Variants in SCN3A observed in about 807,000 individuals in gnomAD.
The protein encoded by SCN3A is sodium channel protein type 3 subunit alpha.
A neutral mutation model predicts 187.6 loss-of-function variants in SCN3A; 60 were observed. The ratio of observed to expected loss-of-function variants is 0.32; its 90% CI spans 0.26 to 0.40. The LOEUF (loss-of-function observed/expected upper bound fraction) is 0.40. Among genes scored for constraint, SCN3A ranks in the 10% least tolerant of loss-of-function variants. SCN3A has a pLI of 1.00. For synonymous variants in SCN3A, 788 were observed against 829.2 expected, an observed-to-expected ratio of 0.95 and a Z score of 0.85; for missense variants, 1,601 against 2,428.2, an observed-to-expected ratio of 0.66 and a Z score of 7.16.
chr2:165,138,808 T>C (rs757135957), intron 14 of SCN3A, among the ~76,000 whole-genome samples: 10 of 152,186 alleles, frequency 6.6e-5, no homozygotes, highest in Non-Finnish European at 1.2e-4. Context: ...AAAGAACATA[T>C]GTTAGAATTG....
rs1684996177 is a variant in SCN3A at position 165,089,955 on chromosome 2, G to T, written c.*195C>A. 1.4e-6 allele frequency: 1 copy of T among 701,800 alleles called. No homozygotes were observed. The highest frequency in any genetic ancestry group is 2.3e-6 in the Non-Finnish European group (1 of 434,712). 43.5% of individuals were successfully genotyped at this position (701,800 alleles called of 1,614,324 possible). On this transcript the variant is annotated 3_prime_UTR_variant, in exon 28 of 28. Coordinates refer to ENST00000283254, the MANE Select transcript of SCN3A (RefSeq NM_006922.4). ...CTGGTAATAAAAACAGCAACCTCTT[G>T]TCAATGTTGATACCCTGCTTCACAG...
intron 9 of SCN3A, among the ~76,000 whole-genome samples, chr2:165,158,135 A>G (rs1401817819): frequency 2.0e-5 from 3 of 152,188 alleles, no homozygotes; most frequent in African/African-American, 7.2e-5. Flanking sequence ...CTGACAGAAC[A>G]AGGAGATACA....
intron 21 of SCN3A, among the ~76,000 whole-genome samples, chr2:165,107,077 G>A (rs1685897350): frequency 6.6e-6 from 1 of 152,174 alleles, no homozygotes; most frequent in African/African-American, 2.4e-5. Flanking sequence ...AGGGAATTTG[G>A]AAGAAATGCA....
intron 2 of SCN3A, among the ~76,000 whole-genome samples, chr2:165,180,747 C>T (rs998926107): frequency 2.0e-5 from 3 of 151,944 alleles, no homozygotes; most frequent in Admixed American, 6.6e-5. Context: ...GTACTACACA[C>T]GAAAGTATGC....
At chr2:165,144,257 G>A (rs62174903) in intron 12 of SCN3A, among the ~76,000 whole-genome samples, 3 of 152,030 alleles carry the variant, frequency 2.0e-5, no homozygotes, top group African/African-American at 7.2e-5. Flanking sequence ...TGTTAGTTTT[G>A]TTAATGCTCT....
intron 27 of SCN3A, 22 bp from the exon 28 acceptor site, chr2:165,091,367 G>A (rs1229412158): frequency 6.2e-7 from 1 of 1,613,346 alleles, no homozygotes; most frequent in Admixed American, 1.7e-5. Context: ...ATAGAACACA[G>A]CTAAACAGAT....
rs984040314 is a variant in SCN3A at position 165,189,012 on chromosome 2, A to G, written c.-247-2265T>C. Reference sequence around the variant, plus strand: ...GATGAACTAAAGGAATGAGTAAAGAATATGATCTGAGTGCTTTTGGCAATC... The same window carrying G: ...GATGAACTAAAGGAATGAGTAAAGAGTATGATCTGAGTGCTTTTGGCAATC... On this transcript the variant is annotated intron_variant, in intron 1 of 27. Coordinates refer to ENST00000283254, the MANE Select transcript of SCN3A (RefSeq NM_006922.4). Among the ~76,000 whole-genome samples the G allele has an allele frequency of 2.0e-5, 3 of 152,218 alleles. No individual in the cohort carries two copies. The Middle Eastern group carries it at 0.01, about 518-fold the overall frequency.
intron 19 of SCN3A, 117 bp downstream of exon 19, chr2:165,115,338 G>T: frequency 7.3e-7 from 1 of 1,370,908 alleles, no homozygotes; most frequent in Admixed American, 1.9e-5. Flanking sequence ...AAATTTTGGG[G>T]TTACAGGCAT....
chr2:165,149,228 T>C (rs1325783853), intron 11 of SCN3A, among the ~76,000 whole-genome samples: 1 of 151,214 alleles, frequency 6.6e-6, no homozygotes, highest in Admixed American at 6.6e-5. Context: ...CAGGCTGGAG[T>C]GCAATGGCAT....
intron 11 of SCN3A, among the ~76,000 whole-genome samples, chr2:165,148,020 T>A (rs558226449): frequency 1.6e-4 from 25 of 152,250 alleles, no homozygotes; most frequent in African/African-American, 6.0e-4. Flanking sequence ...ACATATGTCA[T>A]CACTAAATAC....
rs756455420 is a variant in SCN3A, at chr2:165,158,761, TA to T, written c.1032-2859del. Among the ~76,000 whole-genome samples the T allele has an allele frequency of 5.9e-4, 81 of 138,040 alleles. 11 individuals carry two copies. The highest frequency in any genetic ancestry group is 3.3e-3 in the Middle Eastern group (1 of 306). The allele number at this position is 138,040 out of a possible 152,430, so 90.6% of individuals were successfully genotyped here. ...AGCTCATTTCTTTTTAATCACTCAG[TA>T]ATATTTTATTGTATGGGCATAACAA... On this transcript the variant is annotated intron_variant, in intron 9 of 27. Transcript: ENST00000283254.
intron 11 of SCN3A, among the ~76,000 whole-genome samples, chr2:165,150,051 C>T (rs1379076282): frequency 2.0e-5 from 3 of 152,100 alleles, no homozygotes; most frequent in Non-Finnish European, 4.4e-5. Context: ...AGCTTACTCC[C>T]AAATTTTTTC....
At chr2:165,141,287 T>C (rs1688000503) in intron 12 of SCN3A, among the ~76,000 whole-genome samples, 1 of 152,342 alleles carries the variant, frequency 6.6e-6, no homozygotes, top group South Asian at 2.1e-4. Context: ...CATAATGCTA[T>C]AGGTTAGGGA....
rs1460189558 is a variant in SCN3A, at chr2:165,164,530, A to T, written c.474-10T>A. The T allele has an allele frequency of 6.2e-7, 1 of 1,613,330 alleles. No homozygotes were observed. Among genetic ancestry groups the T allele is most frequent in the East Asian group, 2.2e-5 (1 of 44,804 alleles). On this transcript the variant is annotated splice_polypyrimidine_tract_variant and intron_variant, in intron 5 of 27. Transcript: ENST00000283254. ...TCCAGTGAATGTGTACCTAGGAAAA[A>T]CATCCAAGCCAAAATTAACAATTTT...
chr2:165,160,286 C>T (rs1689280542), intron 9 of SCN3A, among the ~76,000 whole-genome samples: 1 of 152,132 alleles, frequency 6.6e-6, no homozygotes, highest in African/African-American at 2.4e-5. Flanking sequence ...ACAATTATTT[C>T]ATTATATATT....
At chr2:165,162,983 C>T (rs1186139606) in intron 7 of SCN3A, among the ~76,000 whole-genome samples, 155 bp from the exon 8 acceptor site, 2 of 152,152 alleles carry the variant, frequency 1.3e-5, no homozygotes, top group Non-Finnish European at 2.9e-5. Context: ...AATAGATGAA[C>T]AGCAGATTTT....
chr2:165,165,637 A>C (rs1291459082), intron 5 of SCN3A, among the ~76,000 whole-genome samples: 1 of 152,148 alleles, frequency 6.6e-6, no homozygotes, highest in East Asian at 1.9e-4. Flanking sequence ...AGCACAATTT[A>C]AGTTTATTTT....
At chr2:165,160,179 A>C (rs1689273217) in intron 9 of SCN3A, among the ~76,000 whole-genome samples, 1 of 143,654 alleles carries the variant, frequency 7.0e-6, no homozygotes, top group Non-Finnish European at 1.5e-5. Flanking sequence ...GGCCAGGCGC[A>C]GTGGCTCATG....
At chr2:165,117,601 A>T (rs1446075832) in intron 18 of SCN3A, among the ~76,000 whole-genome samples, 1 of 152,128 alleles carries the variant, frequency 6.6e-6, no homozygotes, top group Non-Finnish European at 1.5e-5. Context: ...AGTTGAGTTC[A>T]TGAAGAGTGA....
Sources: allele counts gnomAD v4.1 joint callset (sites outside exome capture counted in the v4.1 genomes callset), GRCh38; gene constraint gnomAD v4.1.1; transcripts MANE v1.5; gene names NCBI Gene and HGNC (gene_info 2026-07-23, HGNC 2026-07-21).